Variants in MSH3 observed in about 807,000 individuals in gnomAD.
The protein encoded by MSH3 is DNA mismatch repair protein Msh3.
Under a neutral mutation model 123.3 loss-of-function variants are expected in MSH3, and 106 were observed. The observed-to-expected ratio is 0.86, with a 90% confidence interval of 0.73 to 1.01. MSH3 has a LOEUF of 1.01. Among genes scored for constraint, MSH3 ranks in the 50% least tolerant of loss-of-function variants. The pLI is 0.00. For missense variants in MSH3, 1,459 were observed against 1,347.6 expected, an observed-to-expected ratio of 1.08 and a Z score of -1.29; for synonymous variants, 515 against 481.4, an observed-to-expected ratio of 1.07 and a Z score of -0.91.
intron 20 of MSH3, among the ~76,000 whole-genome samples, chr5:80,845,765 G>C (rs1196667034): frequency 6.6e-6 from 1 of 152,088 alleles, no homozygotes; most frequent in Admixed American, 6.6e-5. Context: ...GTCATTTAAG[G>C]TCTTCTCGAC....
chr5:80,675,280 A>C, intron 7 of MSH3, 152 bp downstream of exon 7: 2 of 947,630 alleles, frequency 2.1e-6, no homozygotes, highest in South Asian at 3.1e-5. Flanking sequence ...ATTATATGTT[A>C]AATCGCTAGT....
intron 20 of MSH3, among the ~76,000 whole-genome samples, chr5:80,844,060 A>T (rs1745674602): frequency 6.6e-6 from 1 of 151,822 alleles, no homozygotes; most frequent in South Asian, 2.1e-4. Context: ...CCCTCTACAC[A>T]CTGCTTTAAA....
chr5:80,831,183 TAGA>T (rs1187930642), intron 20 of MSH3, among the ~76,000 whole-genome samples: 1 of 152,234 alleles, frequency 6.6e-6, no homozygotes, highest in East Asian at 1.9e-4. Flanking sequence ...TTCATATTGC[TAGA>T]AGAAGGCTAG....
rs1460928361 is a variant in MSH3 at position 80,843,863 on chromosome 5, A to T, written c.2814-10267A>T. Among the ~76,000 whole-genome samples, 3 of 151,942 alleles carry T rather than the reference A, an allele frequency of 2.0e-5. No homozygotes were observed. The East Asian group carries it at 5.8e-4, about 29-fold the overall frequency. Reference sequence around the variant, plus strand: ...ATCTTTTCAAAAAACTAGCTCCTGGATTCATTGACTTTTTGAAGGATTTTT... The same window carrying T: ...ATCTTTTCAAAAAACTAGCTCCTGGTTTCATTGACTTTTTGAAGGATTTTT... On this transcript the variant is annotated intron_variant, in intron 20 of 23. Transcript: ENST00000265081.
At chr5:80,719,354 G>A (rs1751030369) in intron 8 of MSH3, among the ~76,000 whole-genome samples, 1 of 152,018 alleles carries the variant, frequency 6.6e-6, no homozygotes, top group Admixed American at 6.6e-5. Flanking sequence ...CCAGGAAATG[G>A]TATTTCTAAA....
chr5:80,752,834 CTA>C (rs753843329), intron 12 of MSH3, among the ~76,000 whole-genome samples: 61 of 152,084 alleles, frequency 4.0e-4, no homozygotes, highest in Non-Finnish European at 7.5e-4. Flanking sequence ...TGACTTAAGT[CTA>C]TGTGTATCAA....
At chr5:80,800,751 G>A (rs1744776982) in intron 19 of MSH3, among the ~76,000 whole-genome samples, 1 of 152,126 alleles carries the variant, frequency 6.6e-6, no homozygotes, top group Non-Finnish European at 1.5e-5. Context: ...CCTTCTTTGT[G>A]CCAAGCCTTG....
intron 20 of MSH3, among the ~76,000 whole-genome samples, chr5:80,818,941 T>C (rs1745152897): frequency 6.6e-6 from 1 of 152,210 alleles, no homozygotes; most frequent in African/African-American, 2.4e-5. Flanking sequence ...AGATCCCTCG[T>C]GTAGGATAGG....
intron 20 of MSH3, among the ~76,000 whole-genome samples, chr5:80,844,042 A>T (rs896736062): frequency 3.3e-5 from 5 of 152,018 alleles, no homozygotes; most frequent in African/African-American, 7.2e-5. Flanking sequence ...ATTTAGTGCT[A>T]TAAATTTCCC....
At chr5:80,870,030 C>T (rs900058810) in intron 22 of MSH3, among the ~76,000 whole-genome samples, 5 of 150,820 alleles carry the variant, frequency 3.3e-5, no homozygotes, top group South Asian at 2.1e-4. Context: ...AAAAAGTAGC[C>T]GGGCATGGTG....
chr5:80,873,339 G>A, intron 23 of MSH3, 52 bp downstream of exon 23: 2 of 1,589,578 alleles, frequency 1.3e-6, no homozygotes. Context: ...CTTCTAAGTT[G>A]TCCAAGAAAG....
At chr5:80,799,138 C>T (rs184946491) in intron 19 of MSH3, among the ~76,000 whole-genome samples, 21 of 152,282 alleles carry the variant, frequency 1.4e-4, no homozygotes, top group African/African-American at 4.6e-4. Context: ...AGCTGGGTCA[C>T]AGCCAGCCCT....
At chr5:80,696,931 T>G (rs533116810) in intron 8 of MSH3, among the ~76,000 whole-genome samples, 37 of 152,308 alleles carry the variant, frequency 2.4e-4, no homozygotes, top group Non-Finnish European at 5.1e-4. Context: ...TTTTTATAAT[T>G]AAAAAACTGC....
rs933563870 is a variant in MSH3, at chr5:80,672,328, C to A, written c.877C>A (p.His293Asn). The A allele has an allele frequency of 5.0e-6, 8 of 1,613,836 alleles. No homozygotes were observed. Among genetic ancestry groups the A allele is most frequent in the Non-Finnish European group, 6.8e-6 (8 of 1,179,782 alleles). The stretch of plus-strand genomic sequence containing the variant: ...TATACCTACTCACAGACTGTTTGTT[C>A]ATGTACGCCGCCTGGTGGCAAAAGG... ...ASIPTHRLFVHVRRLVAKGYK... is the reference protein window; with the variant it reads ...ASIPTHRLFVNVRRLVAKGYK... Residue 293 changes from histidine to asparagine, a missense_variant, in exon 5 of 24, where the codon CAT becomes AAT. Coordinates refer to ENST00000265081, the MANE Select transcript of MSH3 (RefSeq NM_002439.5).
At chr5:80,686,780 T>G (rs979178135) in intron 8 of MSH3, among the ~76,000 whole-genome samples, 1 of 152,166 alleles carries the variant, frequency 6.6e-6, no homozygotes, top group Non-Finnish European at 1.5e-5. Flanking sequence ...CATTTTTTTC[T>G]TATGCTATAT....
chr5:80,834,420 G>T (rs1248528841), intron 20 of MSH3, among the ~76,000 whole-genome samples: 2 of 149,980 alleles, frequency 1.3e-5, no homozygotes, highest in African/African-American at 4.9e-5. Flanking sequence ...CAACCTTGTG[G>T]ATGTTAATAC....
chr5:80,738,717 T>G (rs1743557386), intron 10 of MSH3, among the ~76,000 whole-genome samples: 1 of 152,092 alleles, frequency 6.6e-6, no homozygotes, highest in African/African-American at 2.4e-5. Flanking sequence ...TAGATTGTGG[T>G]TTCTTGATTA....
chr5:80,773,625 G>A (rs1166707648), intron 15 of MSH3, among the ~76,000 whole-genome samples: 3 of 152,090 alleles, frequency 2.0e-5, no homozygotes, highest in East Asian at 3.9e-4. Flanking sequence ...CTGAAGGTAC[G>A]TGCATATAAT....
At chr5:80,843,073 A>AT (rs1044292217) in intron 20 of MSH3, among the ~76,000 whole-genome samples, 5 of 152,110 alleles carry the variant, frequency 3.3e-5, no homozygotes, top group African/African-American at 1.2e-4. Flanking sequence ...TTTGAGATAC[A>AT]TTCCATCAAT....
Sources: allele counts gnomAD v4.1 joint callset (sites outside exome capture counted in the v4.1 genomes callset), GRCh38; gene constraint gnomAD v4.1.1; transcripts MANE v1.5; gene names NCBI Gene and HGNC (gene_info 2026-07-23, HGNC 2026-07-21).